NRXN3: variants seen among roughly 807,000 people sequenced by gnomAD.
NRXN3 encodes the protein neurexin 3.
In NRXN3, 32 loss-of-function variants were observed where a neutral mutation model predicts 137.6. The ratio of observed to expected loss-of-function variants is 0.23; its 90% CI spans 0.18 to 0.31. The LOEUF is 0.31. NRXN3 is among the 10% of genes least tolerant of loss of function. The pLI is 1.00. For missense variants in NRXN3, 1,574 were observed against 2,062.5 expected, an observed-to-expected ratio of 0.76 and a Z score of 4.59; for synonymous variants, 798 against 784.5, an observed-to-expected ratio of 1.02 and a Z score of -0.29.
chr14:79,282,991 TCTAA>T (rs572176684), intron 15 of NRXN3, among the ~76,000 whole-genome samples: 156 of 152,326 alleles, frequency 1.0e-3, no homozygotes, highest in African/African-American at 3.7e-3. Context: ...CCTTTGCGTC[TCTAA>T]CTAAAAGGAC....
chr14:79,043,408 G>A (rs2099628195), intron 15 of NRXN3, among the ~76,000 whole-genome samples: 1 of 152,204 alleles, frequency 6.6e-6, no homozygotes, highest in African/African-American at 2.4e-5. Context: ...CAAGATTTTA[G>A]CAAAAGATGG....
intron 15 of NRXN3, among the ~76,000 whole-genome samples, chr14:79,145,592 G>A (rs1301310299): frequency 2.0e-5 from 3 of 152,174 alleles, no homozygotes; most frequent in Non-Finnish European, 2.9e-5. Flanking sequence ...GCTCCTAGGA[G>A]CAGCCAGACA....
chr14:79,271,070 T>A (rs917701898), intron 15 of NRXN3, among the ~76,000 whole-genome samples: 1 of 152,242 alleles, frequency 6.6e-6, no homozygotes, highest in African/African-American at 2.4e-5. Context: ...GATCTGTATC[T>A]ATCTTAGACG....
chr14:78,629,250 C>T (rs546003417), intron 4 of NRXN3, among the ~76,000 whole-genome samples: 19 of 152,204 alleles, frequency 1.2e-4, no homozygotes, highest in African/African-American at 4.6e-4. Flanking sequence ...ATGACAGGCA[C>T]GTAATAGAGA....
At chr14:78,553,525 C>T (rs370026624) in intron 4 of NRXN3, among the ~76,000 whole-genome samples, 9 of 152,274 alleles carry the variant, frequency 5.9e-5, no homozygotes, top group African/African-American at 2.2e-4. Flanking sequence ...TCCACCCATC[C>T]CCTCTCAGAG....
At chr14:78,598,404 C>T (rs1373488010) in intron 4 of NRXN3, among the ~76,000 whole-genome samples, 1 of 151,540 alleles carries the variant, frequency 6.6e-6, no homozygotes, top group Non-Finnish European at 1.5e-5. Context: ...GAAAGAGCAT[C>T]ATCCTTCCTA....
At chr14:78,425,788 C>T (rs905983460) in intron 4 of NRXN3, among the ~76,000 whole-genome samples, 24 of 152,144 alleles carry the variant, frequency 1.6e-4, no homozygotes, top group East Asian at 3.9e-4. Context: ...TACCACAGTT[C>T]GTGGCATTTT....
chr14:78,826,083 C>T (rs1718104689), intron 10 of NRXN3, among the ~76,000 whole-genome samples: 1 of 152,136 alleles, frequency 6.6e-6, no homozygotes, highest in African/African-American at 2.4e-5. Flanking sequence ...ATAATGTTTT[C>T]AATTGTCACA....
At chr14:79,431,201 C>A (rs2095748501) in intron 15 of NRXN3, among the ~76,000 whole-genome samples, 1 of 152,058 alleles carries the variant, frequency 6.6e-6, no homozygotes, top group Non-Finnish European at 1.5e-5. Flanking sequence ...CTAAGAATGG[C>A]AAGTCTGAGA....
chr14:78,573,681 T>G (rs142960368), intron 4 of NRXN3, among the ~76,000 whole-genome samples: 1,645 of 152,294 alleles, frequency 0.011, 9 homozygotes, highest in Non-Finnish European at 0.019. Flanking sequence ...TTATATGTAT[T>G]CACAAAGATA....
At chr14:78,868,007 T>C (rs938894528) in intron 10 of NRXN3, among the ~76,000 whole-genome samples, 4 of 148,216 alleles carry the variant, frequency 2.7e-5, no homozygotes, top group African/African-American at 9.8e-5. Flanking sequence ...TTAAATCATA[T>C]ATAAATTTAT....
intron 8 of NRXN3, among the ~76,000 whole-genome samples, chr14:78,795,335 T>A (rs1257989452): frequency 6.6e-6 from 1 of 152,184 alleles, no homozygotes; most frequent in Non-Finnish European, 1.5e-5. Context: ...TACAGAAACC[T>A]TTTTCCATTG....
intron 15 of NRXN3, among the ~76,000 whole-genome samples, chr14:79,081,336 C>A (rs2046948754): frequency 1.3e-5 from 2 of 152,144 alleles, no homozygotes; most frequent in Non-Finnish European, 2.9e-5. Context: ...ATGTGTCCAG[C>A]CAGGTGCGGT....
chr14:78,249,993 G>A lies in NRXN3; in HGVS notation c.709+6191G>A, dbSNP rs143526298. On this transcript the variant is annotated intron_variant, in intron 2 of 20. Transcript: ENST00000335750. ...AACAATGATAGCTAATAATCACAGA[G>A]CACTGGCTCCAGGCTCACACTGTCT... 494 of 428,680 alleles carry A rather than the reference G, an allele frequency of 1.2e-3. 4 individuals carry two copies. The East Asian group carries it at 0.029, about 25-fold the overall frequency. 26.6% of individuals were successfully genotyped at this position (428,680 alleles called of 1,614,324 possible). A position where few individuals can be genotyped will look rare whatever the true frequency, so the allele number is the denominator to read the frequency against.
chr14:79,179,541 G>C (rs548603875), intron 15 of NRXN3, among the ~76,000 whole-genome samples: 1 of 152,264 alleles, frequency 6.6e-6, no homozygotes, highest in East Asian at 1.9e-4. Context: ...AACTCTAGGG[G>C]AGGAACCCAG....
intron 4 of NRXN3, among the ~76,000 whole-genome samples, chr14:78,580,104 T>C (rs192795227): frequency 4.2e-4 from 64 of 152,306 alleles, no homozygotes; most frequent in African/African-American, 1.3e-3. Flanking sequence ...ATACCCATGT[T>C]TGATTGGCAG....
intron 4 of NRXN3, among the ~76,000 whole-genome samples, chr14:78,415,943 A>G (rs1163910089): frequency 1.3e-5 from 2 of 151,986 alleles, no homozygotes; most frequent in Non-Finnish European, 2.9e-5. Flanking sequence ...ATAAATGTTC[A>G]TGGTCTAATC....
intron 15 of NRXN3, among the ~76,000 whole-genome samples, chr14:79,115,974 T>C (rs1213022716): frequency 6.6e-6 from 1 of 152,112 alleles, no homozygotes. Context: ...TATGCACCCA[T>C]GGAAGCTAAA....
At chr14:79,053,323 G>T (rs562438489) in intron 15 of NRXN3, among the ~76,000 whole-genome samples, 6 of 152,260 alleles carry the variant, frequency 3.9e-5, no homozygotes, top group Admixed American at 2.0e-4. Context: ...TGCTTTTAGA[G>T]ATAAGAAAAT....
Sources: allele counts gnomAD v4.1 joint callset (sites outside exome capture counted in the v4.1 genomes callset), GRCh38; gene constraint gnomAD v4.1.1; transcripts MANE v1.5; gene names NCBI Gene and HGNC (gene_info 2026-07-23, HGNC 2026-07-21).